The following LMTK2 variants were observed in gnomAD, a reference collection of about 807,000 sequenced individuals.
LMTK2 encodes the protein serine/threonine-protein kinase LMTK2.
LMTK2 carries 37 observed loss-of-function variants against 127.5 expected under a neutral mutation model. The observed-to-expected ratio is 0.29, with a 90% CI of 0.22 to 0.38. The LOEUF is 0.38. Ranked by LOEUF, LMTK2 falls within the 10% of genes least tolerant of loss-of-function variation. The pLI is 1.00. For missense variants in LMTK2, 1,694 were observed against 1,920.3 expected (o/e 0.88, Z 2.20); for synonymous variants, 819 against 810.1 (o/e 1.01, Z -0.19).
chr7:98,138,127 A>G (rs1189374545), intron 2 of LMTK2, among the ~76,000 whole-genome samples: 1 of 152,146 alleles, frequency 6.6e-6, no homozygotes, highest in Non-Finnish European at 1.5e-5. Flanking sequence ...TGCCTGCTGG[A>G]GTGCATTCGG....
At position 98,194,769 on chromosome 7, in the gene LMTK2, A is replaced by G. The variant is rs1389077139; in HGVS notation, c.4107+197A>G. On this transcript the variant is annotated intron_variant, in intron 11 of 13. Coordinates refer to ENST00000297293, the MANE Select transcript of LMTK2 (RefSeq NM_014916.4). The surrounding 1 kb of genome is among the most constrained non-coding windows in gnomAD (Gnocchi z 5.4). ...CATTTGCTCAGGGAGTTCGTATTAA[A>G]TTAAGAGAAAGAGACCCGAATGCTC... is the stretch of plus-strand genomic sequence containing the variant. Among the ~76,000 whole-genome samples the G allele has an allele frequency of 6.6e-6, 1 of 152,254 alleles. No homozygotes were observed. Among genetic ancestry groups the G allele is most frequent in the Non-Finnish European group, 1.5e-5 (1 of 68,042 alleles).
At chr7:98,158,063 G>A (rs1168341570) in intron 5 of LMTK2, among the ~76,000 whole-genome samples, 1 of 152,168 alleles carries the variant, frequency 6.6e-6, no homozygotes, top group Non-Finnish European at 1.5e-5. Context: ...TGCAACTCCT[G>A]TGAGTTCATA....
At chr7:98,163,261 G>A (rs1272986163) in intron 6 of LMTK2, among the ~76,000 whole-genome samples, 2 of 152,092 alleles carry the variant, frequency 1.3e-5, no homozygotes, top group South Asian at 2.1e-4. Flanking sequence ...AAAGTTAGAC[G>A]TGGTTACAAT....
intron 2 of LMTK2, among the ~76,000 whole-genome samples, chr7:98,140,094 CT>C (rs911815928): frequency 1.2e-3 from 3 of 2,476 alleles, no homozygotes; most frequent in Non-Finnish European, 2.3e-3. Flanking sequence ...TTCTTTCTTT[CT>C]TTCTTTCTTT....
chr7:98,159,201 A>G (rs1000570571), intron 5 of LMTK2, 137 bp from the exon 6 acceptor site: 6 of 506,574 alleles, frequency 1.2e-5, no homozygotes, highest in Admixed American at 3.8e-5. Flanking sequence ...TTAGCCTGTC[A>G]TTTATGTAAA....
intron 6 of LMTK2, among the ~76,000 whole-genome samples, chr7:98,166,329 A>G (rs1797099807): frequency 6.6e-6 from 1 of 152,232 alleles, no homozygotes; most frequent in East Asian, 1.9e-4. Flanking sequence ...TGATTTCAGC[A>G]GAGGTTCTCT....
At chr7:98,133,405 T>C (rs1191805000) in intron 1 of LMTK2, among the ~76,000 whole-genome samples, 1 of 152,144 alleles carries the variant, frequency 6.6e-6, no homozygotes, top group Middle Eastern at 3.2e-3. Context: ...TCCTCAAGTC[T>C]AGAATTTACT....
At chr7:98,136,945 GA>G (rs2116358766) in intron 1 of LMTK2, among the ~76,000 whole-genome samples, 2 of 152,162 alleles carry the variant, frequency 1.3e-5, no homozygotes, top group South Asian at 4.1e-4. Flanking sequence ...AGTCTGAAAA[GA>G]AAAAAGGACT....
intron 6 of LMTK2, among the ~76,000 whole-genome samples, chr7:98,160,689 G>T (rs781425458): frequency 1.6e-4 from 24 of 152,278 alleles, no homozygotes; most frequent in Non-Finnish European, 2.9e-4. Flanking sequence ...GAGGGGGTTT[G>T]AGTCAGTTTT....
rs1212540082 is a variant in LMTK2 at position 98,192,404 on chromosome 7, A to G, written c.1939A>G (p.Ser647Gly). ...NDVDKSEDLP[S>G]HQKIFDLMEL... Reference sequence around the variant, plus strand: ...TGTGGACAAATCGGAAGATTTGCCCAGTCACCAAAAAATATTCGACTTAAT... The same window carrying G: ...TGTGGACAAATCGGAAGATTTGCCCGGTCACCAAAAAATATTCGACTTAAT... Residue 647 changes from serine to glycine, a missense_variant, in exon 11 of 14, where the codon AGT (serine) becomes GGT (glycine). Coordinates refer to ENST00000297293, the MANE Select transcript of LMTK2 (RefSeq NM_014916.4). The G allele has an allele frequency of 8.1e-6, 13 of 1,610,446 alleles. No individual in the cohort carries two copies. The highest frequency in any genetic ancestry group is 1.6e-4 in the Middle Eastern group (1 of 6,072).
chr7:98,189,931 C>T (rs1455879044), intron 9 of LMTK2, among the ~76,000 whole-genome samples: 1 of 151,954 alleles, frequency 6.6e-6, no homozygotes, highest in African/African-American at 2.4e-5. Context: ...GAGAGGATAT[C>T]GTCTTGCCCA....
chr7:98,180,996 G>A (rs1297286307), intron 7 of LMTK2, among the ~76,000 whole-genome samples: 1 of 152,088 alleles, frequency 6.6e-6, no homozygotes, highest in Non-Finnish European at 1.5e-5. Flanking sequence ...AATAGGAGCT[G>A]GGGAGCCCTT....
intron 7 of LMTK2, among the ~76,000 whole-genome samples, chr7:98,174,654 G>T (rs908428443): frequency 3.3e-5 from 5 of 152,212 alleles, no homozygotes; most frequent in Admixed American, 1.3e-4. Context: ...AGACCTGGAG[G>T]GGGTAGCCTT....
Position 98,171,211 on chromosome 7 carries a change from C to A in LMTK2, c.658-330C>A, listed in dbSNP as rs1797185370. 6.6e-6 allele frequency among the ~76,000 whole-genome samples: 1 copy of A among 152,168 alleles called. No homozygotes were observed. Among genetic ancestry groups the A allele is most frequent in the African/African-American group, 2.4e-5 (1 of 41,446 alleles). On this transcript the variant is annotated intron_variant, in intron 6 of 13. Transcript: ENST00000297293. The surrounding 1 kb of genome is among the most constrained non-coding windows in gnomAD (Gnocchi z 5.1). Reference sequence around the variant, plus strand: ...GCAGTGTGAGTGGCACCATTTCTTACACTCTCCGTGTCATCTCCTAGGTAA... The same window carrying A: ...GCAGTGTGAGTGGCACCATTTCTTAAACTCTCCGTGTCATCTCCTAGGTAA...
rs73710377 is a variant in LMTK2, at chr7:98,133,205, C to T, written c.104-4110C>T. The stretch of plus-strand genomic sequence containing the variant: ...CTCAATTTGTGATGGGAAAAGCTGC[C>T]TAAATGTATGGTGATGCCTGTTCTT... On this transcript the variant is annotated intron_variant, in intron 1 of 13. Transcript: ENST00000297293. Among the ~76,000 whole-genome samples the T allele has an allele frequency of 3.3e-3, 505 of 152,258 alleles. 7 individuals are homozygous for T. The highest frequency in any genetic ancestry group is 0.012 in the African/African-American group (483 of 41,546).
At chr7:98,136,479 T>C (rs900903444) in intron 1 of LMTK2, among the ~76,000 whole-genome samples, 1 of 152,208 alleles carries the variant, frequency 6.6e-6, no homozygotes, top group Non-Finnish European at 1.5e-5. Context: ...TATTACTAAT[T>C]ACTGGAGGGT....
In LMTK2 at chr7:98,202,699, G is replaced by A. The variant is rs1331461701; in HGVS notation, c.4108-875G>A. Among the ~76,000 whole-genome samples the A allele has an allele frequency of 5.3e-5, 8 of 151,978 alleles. No individual in the cohort carries two copies. The East Asian group carries it at 9.6e-4, about 18-fold the overall frequency. On this transcript the variant is annotated intron_variant, in intron 11 of 13. Coordinates refer to ENST00000297293, the MANE Select transcript of LMTK2 (RefSeq NM_014916.4). Reference sequence around the variant, plus strand: ...TGAACCTGCCCCACGTGTGTGCCCCGCACCCCACCCCGGTCTCCCCTGAGG... The same window carrying A: ...TGAACCTGCCCCACGTGTGTGCCCCACACCCCACCCCGGTCTCCCCTGAGG...
At chr7:98,144,458 A>T (rs2116374655) in intron 3 of LMTK2, among the ~76,000 whole-genome samples, 1 of 151,588 alleles carries the variant, frequency 6.6e-6, no homozygotes, top group Admixed American at 6.6e-5. Context: ...AAGAAAAAAT[A>T]TATATATATT....
chr7:98,154,928 G>C, intron 5 of LMTK2, 52 bp downstream of exon 5: 1 of 1,064,636 alleles, frequency 9.4e-7, no homozygotes, highest in Non-Finnish European at 1.5e-6. Context: ...GTCTGTTGAA[G>C]GTCAGGTGTT....
Sources: allele counts gnomAD v4.1 joint callset (sites outside exome capture counted in the v4.1 genomes callset), GRCh38; gene constraint gnomAD v4.1.1; non-coding constraint Gnocchi (gnomAD v3.1); transcripts MANE v1.5; gene names NCBI Gene and HGNC (gene_info 2026-07-23, HGNC 2026-07-21).